SPIDR: variants seen among roughly 807,000 people sequenced by gnomAD.
SPIDR encodes scaffold protein involved in DNA repair.
A neutral mutation model predicts 104.6 loss-of-function variants in SPIDR; 93 were observed. The observed-to-expected ratio is 0.89, with a 90% CI of 0.75 to 1.06. The LOEUF is 1.06. SPIDR is among the 50% of genes least tolerant of loss of function. The pLI, the probability that SPIDR is intolerant of heterozygous loss-of-function variation, is 0.00. For synonymous variants in SPIDR, 431 were observed against 416.9 expected (o/e 1.03, Z -0.41); for missense variants, 1,154 against 1,111.2 (o/e 1.04, Z -0.55).
At chr8:47,733,894 T>G (rs1480847491) in intron 19 of SPIDR, among the ~76,000 whole-genome samples, 3 of 152,052 alleles carry the variant, frequency 2.0e-5, no homozygotes, top group Non-Finnish European at 4.4e-5. Context: ...TCCTGTTGAC[T>G]TTATTCTTTT....
intron 5 of SPIDR, among the ~76,000 whole-genome samples, chr8:47,343,617 A>G (rs947265069): frequency 5.9e-5 from 9 of 152,310 alleles, no homozygotes; most frequent in African/African-American, 1.4e-4. Flanking sequence ...TTCACTTTCA[A>G]CACAGCTGCA....
At chr8:47,661,097 G>A in intron 10 of SPIDR, 1 of 287,756 alleles carries the variant, frequency 3.5e-6, no homozygotes, top group Non-Finnish European at 5.2e-6. Flanking sequence ...GGGGTTATTG[G>A]GGTGTGTCTG....
At chr8:47,280,334 T>C (rs2037485608) in intron 2 of SPIDR, among the ~76,000 whole-genome samples, 1 of 151,788 alleles carries the variant, frequency 6.6e-6, no homozygotes, top group Non-Finnish European at 1.5e-5. Flanking sequence ...TCCTTCAGGC[T>C]ATCTTGCCTC....
At chr8:47,342,174 G>A (rs75612506) in intron 5 of SPIDR, among the ~76,000 whole-genome samples, 1 of 152,170 alleles carries the variant, frequency 6.6e-6, no homozygotes, top group South Asian at 2.1e-4. Context: ...ATATGGAATT[G>A]TCTGAATTTT....
At chr8:47,597,597 TC>T (rs1212627567) in intron 9 of SPIDR, among the ~76,000 whole-genome samples, 1 of 152,248 alleles carries the variant, frequency 6.6e-6, no homozygotes, top group Non-Finnish European at 1.5e-5. Context: ...ACGTTCATTT[TC>T]TCTATTCTTG....
At chr8:47,593,237 G>A (rs1429349717) in intron 8 of SPIDR, among the ~76,000 whole-genome samples, 2 of 151,816 alleles carry the variant, frequency 1.3e-5, no homozygotes, top group African/African-American at 2.4e-5. Flanking sequence ...TTTATATTGG[G>A]TAATTTTTAT....
chr8:47,668,167 T>C (rs771752873), intron 10 of SPIDR, among the ~76,000 whole-genome samples: 16 of 152,160 alleles, frequency 1.1e-4, no homozygotes, highest in Non-Finnish European at 1.8e-4. Context: ...AGAATTTTTA[T>C]CTAAAATTTT....
At chr8:47,700,031 T>TA (rs2079922992) in intron 11 of SPIDR, among the ~76,000 whole-genome samples, 1 of 152,212 alleles carries the variant, frequency 6.6e-6, no homozygotes, top group African/African-American at 2.4e-5. Flanking sequence ...CATGCATAGA[T>TA]ACACATACAT....
intron 8 of SPIDR, among the ~76,000 whole-genome samples, chr8:47,564,251 A>T (rs1242436271): frequency 6.6e-6 from 1 of 150,762 alleles, no homozygotes; most frequent in Admixed American, 6.6e-5. Flanking sequence ...GCTAATTTTT[A>T]TATTATTAGT....
intron 10 of SPIDR, among the ~76,000 whole-genome samples, chr8:47,641,345 T>C (rs1283591859): frequency 6.6e-6 from 1 of 152,078 alleles, no homozygotes; most frequent in Non-Finnish European, 1.5e-5. Context: ...ATTTTGACTT[T>C]TCTCTGTACT....
chr8:47,455,075 A>G (rs1258270653), intron 8 of SPIDR, among the ~76,000 whole-genome samples: 1 of 152,170 alleles, frequency 6.6e-6, no homozygotes, highest in African/African-American at 2.4e-5. Flanking sequence ...GTAGTTGCAT[A>G]GGTAAATGTA....
intron 8 of SPIDR, among the ~76,000 whole-genome samples, chr8:47,546,326 A>G (rs1564289983): frequency 6.6e-6 from 1 of 152,068 alleles, no homozygotes; most frequent in Non-Finnish European, 1.5e-5. Flanking sequence ...ATATTGGGTG[A>G]CTTGTGGTAG....
intron 2 of SPIDR, 69 bp from the exon 3 acceptor site, chr8:47,283,959 T>A (rs1392612995): frequency 2.5e-6 from 3 of 1,184,180 alleles, no homozygotes; most frequent in Non-Finnish European, 3.7e-6. Flanking sequence ...TTTAAGATTT[T>A]GAATATTTTA....
At chr8:47,319,424 G>A (rs2046072358) in intron 5 of SPIDR, among the ~76,000 whole-genome samples, 1 of 152,092 alleles carries the variant, frequency 6.6e-6, no homozygotes, top group African/African-American at 2.4e-5. Flanking sequence ...ACCCAATACG[G>A]GAGCACCCAG....
At chr8:47,547,202 C>T (rs1339450925) in intron 8 of SPIDR, 10 of 648,146 alleles carry the variant, frequency 1.5e-5, no homozygotes, top group South Asian at 1.4e-4. Context: ...TTTGTGCCCA[C>T]GAAGATTTTT....
chr8:47,344,462 A>G (rs1313281878), intron 5 of SPIDR, among the ~76,000 whole-genome samples: 4 of 152,220 alleles, frequency 2.6e-5, no homozygotes, highest in Non-Finnish European at 5.9e-5. Flanking sequence ...AGCATGATTT[A>G]TAATCCTTTG....
chr8:47,715,964 C>CTTTT (rs965625857), intron 16 of SPIDR, among the ~76,000 whole-genome samples: 3 of 127,104 alleles, frequency 2.4e-5, no homozygotes, highest in African/African-American at 3.0e-5. Context: ...TCTCTTTTTT[C>CTTTT]TTTTTTTTTT....
At chr8:47,370,594 G>A (rs782645199) in intron 5 of SPIDR, among the ~76,000 whole-genome samples, 9 of 151,454 alleles carry the variant, frequency 5.9e-5, no homozygotes, top group South Asian at 2.1e-4. Flanking sequence ...TTACAGGTGC[G>A]CGCCATCATG....
At chr8:47,451,083 T>G (rs1415344801) in intron 8 of SPIDR, among the ~76,000 whole-genome samples, 2 of 152,128 alleles carry the variant, frequency 1.3e-5, no homozygotes, top group Non-Finnish European at 2.9e-5. Flanking sequence ...TTGAGGAAAT[T>G]GAGATATTGG....
Sources: allele counts gnomAD v4.1 joint callset (sites outside exome capture counted in the v4.1 genomes callset), GRCh38; gene constraint gnomAD v4.1.1; transcripts MANE v1.5; gene names NCBI Gene and HGNC (gene_info 2026-07-23, HGNC 2026-07-21).